RAD54L2: variants seen among roughly 807,000 people sequenced by gnomAD.
RAD54L2 encodes the protein helicase ARIP4.
A neutral mutation model predicts 138.4 loss-of-function variants in RAD54L2; 27 were observed. The observed-to-expected ratio is 0.20, with a 90% CI of 0.14 to 0.27. RAD54L2 has a LOEUF of 0.27. RAD54L2 is among the 10% of genes least tolerant of loss of function. RAD54L2 has a pLI of 1.00. For missense variants in RAD54L2, 1,396 were observed against 1,890.2 expected, an observed-to-expected ratio of 0.74 and a Z score of 4.85; for synonymous variants, 644 against 723.2, an observed-to-expected ratio of 0.89 and a Z score of 1.76.
In RAD54L2 at chr3:51,627,586, A is replaced by G. The variant is rs376761874; in HGVS notation, c.173A>G (p.His58Arg). The change falls in exon 4 of 23, where the codon CAT (histidine) becomes CGT (arginine). Residue 58 changes from histidine (H) to arginine (R), a missense_variant. Transcript: ENST00000684192. Reference protein sequence around the residue: ...PSLEGMCGTEHAQLGEDGQQP... With the variant: ...PSLEGMCGTERAQLGEDGQQP... ...CTGGAAGGCATGTGTGGCACTGAGC[A>G]TGCCCAGTTGGGAGAAGATGGGCAG... 140 of 1,554,790 alleles carry G rather than the reference A, an allele frequency of 9.0e-5. No homozygotes were observed. The highest frequency in any genetic ancestry group is 1.2e-4 in the Non-Finnish European group (138 of 1,149,420).
At chr3:51,656,269 T>G in intron 20 of RAD54L2, 99 bp downstream of exon 20, 3 of 1,129,216 alleles carry the variant, frequency 2.7e-6, no homozygotes, top group South Asian at 2.0e-5. Flanking sequence ...ATTTCTGGCC[T>G]TACTACATTT....
At chr3:51,542,271 T>C (rs1698573603) in intron 2 of RAD54L2, among the ~76,000 whole-genome samples, 1 of 152,130 alleles carries the variant, frequency 6.6e-6, no homozygotes, top group South Asian at 2.1e-4. Context: ...TCAGTGCTGG[T>C]TGTCAGTAGT....
chr3:51,589,477 T>C (rs1699787473), intron 2 of RAD54L2, among the ~76,000 whole-genome samples: 1 of 152,168 alleles, frequency 6.6e-6, no homozygotes, highest in Non-Finnish European at 1.5e-5. Context: ...CACAGAAAAC[T>C]GCACACTTCA....
chr3:51,578,559 GACCCC>G (rs1699533813), intron 2 of RAD54L2, among the ~76,000 whole-genome samples: 1 of 152,090 alleles, frequency 6.6e-6, no homozygotes, highest in Admixed American at 6.6e-5. Context: ...ATATTTCCTT[GACCCC>G]CTCATGGGTG....
At chr3:51,579,455 T>C (rs1279702264) in intron 2 of RAD54L2, among the ~76,000 whole-genome samples, 1 of 152,184 alleles carries the variant, frequency 6.6e-6, no homozygotes, top group Non-Finnish European at 1.5e-5. Flanking sequence ...CTAATTCTCA[T>C]TATCAGTTTT....
intron 19 of RAD54L2, among the ~76,000 whole-genome samples, chr3:51,651,472 A>G (rs1489673414): frequency 1.3e-5 from 2 of 152,220 alleles, no homozygotes; most frequent in Non-Finnish European, 2.9e-5. Flanking sequence ...AGCCTGGCAG[A>G]GACACAACAA....
intron 2 of RAD54L2, among the ~76,000 whole-genome samples, chr3:51,566,465 C>CGTTTTT (rs1485954809): frequency 7.2e-5 from 3 of 41,466 alleles, no homozygotes; most frequent in African/African-American, 3.4e-4. Flanking sequence ...GCCTTTTCTG[C>CGTTTTT]GTTTTTTTTT....
chr3:51,638,447 T>C lies in RAD54L2; in HGVS notation c.1860+126T>C, dbSNP rs1701044906. 2 of 1,148,574 alleles carry C rather than the reference T, an allele frequency of 1.7e-6. No individual in the cohort carries two copies. The highest frequency in any genetic ancestry group is 5.0e-5 in the Admixed American group (2 of 40,226). The allele number at this position is 1,148,574 out of a possible 1,614,324, so 71.1% of individuals were successfully genotyped here. A position where few individuals can be genotyped will look rare whatever the true frequency, so the allele number is the denominator to read the frequency against. ...GTGAGAGGGGGCCACCTCAGTTCACTGCACTGGAGGTTTGGGGGCTCCAAG... is the reference window on the plus strand; with the variant it reads ...GTGAGAGGGGGCCACCTCAGTTCACCGCACTGGAGGTTTGGGGGCTCCAAG... On this transcript the variant is annotated intron_variant, in intron 12 of 22. Transcript: ENST00000684192. The surrounding 1 kb of genome is among the most constrained non-coding windows in gnomAD (Gnocchi z 4.3).
In RAD54L2 at chr3:51,582,826, C is replaced by T. The variant is rs965430530; in HGVS notation, c.-54-7541C>T. Among the ~76,000 whole-genome samples the T allele has an allele frequency of 1.1e-4, 16 of 150,720 alleles. No individual in the cohort carries two copies. The East Asian group carries it at 1.6e-3, about 15-fold the overall frequency. ...CAGGCCGGACTGCGGACTGCAGTGG[C>T]GCAATCTCGGCTCACTGCAAGCTCT... On this transcript the variant is annotated intron_variant, in intron 2 of 22. Transcript: ENST00000684192.
At chr3:51,616,105 A>G (rs1371964705) in intron 3 of RAD54L2, among the ~76,000 whole-genome samples, 2 of 152,112 alleles carry the variant, frequency 1.3e-5, no homozygotes, top group Admixed American at 6.6e-5. Context: ...ATAACCTTCA[A>G]TATTTATCTT....
intron 7 of RAD54L2, among the ~76,000 whole-genome samples, chr3:51,633,115 G>A (rs1700890823): frequency 6.6e-6 from 1 of 152,092 alleles, no homozygotes; most frequent in African/African-American, 2.4e-5. Flanking sequence ...AGTTACTCTG[G>A]AGGCTGAGGC....
At chr3:51,579,535 A>G (rs1699561010) in intron 2 of RAD54L2, among the ~76,000 whole-genome samples, 1 of 152,212 alleles carries the variant, frequency 6.6e-6, no homozygotes, top group Admixed American at 6.5e-5. Context: ...TACTTAAAAT[A>G]TGGAAAACAG....
At chr3:51,596,485 T>G (rs1257138008) in intron 3 of RAD54L2, among the ~76,000 whole-genome samples, 4 of 152,062 alleles carry the variant, frequency 2.6e-5, no homozygotes, top group Non-Finnish European at 5.9e-5. Flanking sequence ...CTCTTAGAAT[T>G]TAATATGTTT....
intron 3 of RAD54L2, among the ~76,000 whole-genome samples, chr3:51,592,957 C>G (rs939375435): frequency 1.3e-5 from 2 of 152,194 alleles, no homozygotes; most frequent in African/African-American, 4.8e-5. Flanking sequence ...TAGTCTTGTC[C>G]TTGCTGCCAT....
chr3:51,611,587 G>GTC (rs1318843684), intron 3 of RAD54L2: 1 of 150,572 alleles, frequency 6.6e-6, no homozygotes, highest in Non-Finnish European at 1.5e-5. Context: ...TTGAGATGGA[G>GTC]TCTCACTCTG....
At chr3:51,602,260 A>G (rs1381509619) in intron 3 of RAD54L2, among the ~76,000 whole-genome samples, 2 of 152,174 alleles carry the variant, frequency 1.3e-5, no homozygotes, top group African/African-American at 4.8e-5. Context: ...TTGCTTAGAT[A>G]ATGAATTCCG....
chr3:51,549,067 A>G (rs1698771551), intron 2 of RAD54L2, among the ~76,000 whole-genome samples: 2 of 152,028 alleles, frequency 1.3e-5, no homozygotes, highest in Admixed American at 1.3e-4. Context: ...ATCTTGGCTC[A>G]CTGCAATCTC....
chr3:51,590,314 T>A, intron 2 of RAD54L2, 53 bp from the exon 3 acceptor site: 1 of 1,326,198 alleles, frequency 7.5e-7, no homozygotes, highest in Non-Finnish European at 1.0e-6. Context: ...TTGAAAGACT[T>A]GTGTTCCTAA....
At chr3:51,559,063 G>A (rs1401697107) in intron 2 of RAD54L2, among the ~76,000 whole-genome samples, 1 of 151,754 alleles carries the variant, frequency 6.6e-6, no homozygotes. Flanking sequence ...TTAGTAGAGA[G>A]GGGGTTTCAC....
Sources: gnomAD v4.1 joint callset for allele counts (sites outside exome capture counted in the v4.1 genomes callset) on GRCh38, gnomAD v4.1.1 for gene constraint, Gnocchi (gnomAD v3.1) non-coding constraint, MANE v1.5 for transcripts, NCBI Gene and HGNC (gene_info 2026-07-23, HGNC 2026-07-21) for gene names.